LARGE1: variants seen among roughly 807,000 people sequenced by gnomAD.
LARGE1 encodes xylosyl- and glucuronyltransferase LARGE1.
A neutral mutation model predicts 87.6 loss-of-function variants in LARGE1; 43 were observed. That is an observed-to-expected ratio of 0.49 (90% CI 0.38 to 0.63). The LOEUF is 0.63. Ranked by LOEUF, LARGE1 falls within the 30% of genes least tolerant of loss-of-function variation. The pLI is 0.00. For missense variants in LARGE1, 802 were observed against 1,000.2 expected (o/e 0.80, Z 2.67); for synonymous variants, 434 against 394.6 (o/e 1.10, Z -1.18).
intron 11 of LARGE1, among the ~76,000 whole-genome samples, chr22:33,194,182 T>A (rs73881987): frequency 0.03 from 4,580 of 152,220 alleles, 95 homozygotes; most frequent in Admixed American, 0.056. Flanking sequence ...ATCTATGGTA[T>A]AGCTAAATGA....
At chr22:33,900,867 C>T (rs908252531) in intron 1 of LARGE1, among the ~76,000 whole-genome samples, 6 of 152,056 alleles carry the variant, frequency 3.9e-5, no homozygotes, top group Admixed American at 3.9e-4. Flanking sequence ...CCCAACATGG[C>T]GAAACCCCGT....
chr22:33,696,324 G>A (rs1010990120), intron 2 of LARGE1, among the ~76,000 whole-genome samples: 2 of 143,148 alleles, frequency 1.4e-5, no homozygotes, highest in Non-Finnish European at 3.0e-5. Flanking sequence ...GTGCAGTGGC[G>A]CAATCTCGGC....
At chr22:33,917,307 T>A (rs1325144316) in intron 1 of LARGE1, among the ~76,000 whole-genome samples, 1 of 152,212 alleles carries the variant, frequency 6.6e-6, no homozygotes, top group Non-Finnish European at 1.5e-5. Context: ...CTTAGCTACT[T>A]GGGTAAACCT....
At position 33,368,588 on chromosome 22, in the gene LARGE1, G is replaced by A. The variant is rs373901819; in HGVS notation, c.1131+13331C>T. 2.4e-3 allele frequency among the ~76,000 whole-genome samples: 359 copies of A among 149,572 alleles called. 2 individuals carry two copies. The highest frequency in any genetic ancestry group is 8.2e-3 in the African/African-American group (339 of 41,124). On this transcript the variant is annotated intron_variant, in intron 9 of 14. Coordinates refer to ENST00000397394, the MANE Select transcript of LARGE1 (RefSeq NM_133642.5). ...AAAAATATGTTAAATATTCCAAGAT[G>A]AAAATGGACTTATCAATTTCTCCCT...
At chr22:33,210,591 C>A (rs1924910815) in intron 11 of LARGE1, among the ~76,000 whole-genome samples, 1 of 152,276 alleles carries the variant, frequency 6.6e-6, no homozygotes, top group African/African-American at 2.4e-5. Flanking sequence ...GCTATGGTGG[C>A]TGTTCCCTGC....
At chr22:33,864,447 G>T (rs2064026498) in intron 1 of LARGE1, among the ~76,000 whole-genome samples, 1 of 152,240 alleles carries the variant, frequency 6.6e-6, no homozygotes, top group Non-Finnish European at 1.5e-5. Flanking sequence ...TGTTGCTGGG[G>T]AAAGCTACAT....
intron 11 of LARGE1, among the ~76,000 whole-genome samples, chr22:33,208,095 C>T (rs1277064011): frequency 6.6e-6 from 1 of 152,128 alleles, no homozygotes; most frequent in Non-Finnish European, 1.5e-5. Flanking sequence ...ATGCTTAAGG[C>T]TCAATGTTCT....
At chr22:33,813,802 C>T (rs1244071526) in intron 1 of LARGE1, among the ~76,000 whole-genome samples, 2 of 152,104 alleles carry the variant, frequency 1.3e-5, no homozygotes, top group African/African-American at 4.8e-5. Context: ...TACGATGCTC[C>T]CAACTTCAGC....
In LARGE1 at chr22:33,637,473, C is replaced by T. The variant is rs1046766159; in HGVS notation, c.409-11147G>A. The stretch of plus-strand genomic sequence containing the variant: ...AGACTGTCTCCAAAGATCCCTTCCC[C>T]CTGGTTTTCATGCCGTGTAGCCTCT... On this transcript the variant is annotated intron_variant, in intron 3 of 14. Transcript: ENST00000397394. 2.0e-5 allele frequency among the ~76,000 whole-genome samples: 3 copies of T among 152,160 alleles called. No homozygotes were observed. The South Asian group carries it at 6.2e-4, about 32-fold the overall frequency.
At chr22:33,090,315 T>A in the LARGE1 span, among the ~76,000 whole-genome samples, 7 of 152,120 alleles carry the variant, frequency 4.6e-5, no homozygotes, top group Non-Finnish European at 1.0e-4. Flanking sequence ...ATAAGCACAT[T>A]ATTCACTATG....
chr22:33,489,131 CA>C (rs1187794661), intron 6 of LARGE1, among the ~76,000 whole-genome samples: 2 of 152,184 alleles, frequency 1.3e-5, no homozygotes, highest in Non-Finnish European at 2.9e-5. Flanking sequence ...CAAGAGAATG[CA>C]AAGTCAGATG....
At position 33,316,210 on chromosome 22, in the gene LARGE1, C is replaced by G. The variant is rs771670976; in HGVS notation, c.1326G>C (p.Leu442=). 1 of 1,614,032 alleles carries G rather than the reference C, an allele frequency of 6.2e-7. No individual in the cohort carries two copies. The highest frequency in any genetic ancestry group is 1.1e-5 in the South Asian group (1 of 91,080). The change falls in exon 11 of 15, where the codon CTG becomes CTC. Residue 442 remains leucine (L), a synonymous_variant. Transcript: ENST00000397394. ...KQLSELDEDD[L]CYEFRRERFT... Reference sequence around the variant, plus strand: ...AGCGCTCTCGCCGGAACTCATAGCACAGGTCGTCCTCGTCCAGCTCAGACA... The same window carrying G: ...AGCGCTCTCGCCGGAACTCATAGCAGAGGTCGTCCTCGTCCAGCTCAGACA...
At chr22:33,202,533 A>G (rs1010599992) in intron 11 of LARGE1, among the ~76,000 whole-genome samples, 7 of 152,234 alleles carry the variant, frequency 4.6e-5, no homozygotes, top group Admixed American at 4.6e-4. Flanking sequence ...ATAAAGGATG[A>G]CACATAATTT....
At chr22:33,396,647 C>T (rs2065756375) in intron 7 of LARGE1, among the ~76,000 whole-genome samples, 1 of 152,116 alleles carries the variant, frequency 6.6e-6, no homozygotes, top group Non-Finnish European at 1.5e-5. Flanking sequence ...TTTAGCAACA[C>T]AGAGACAAAG....
At chr22:33,816,593 G>A (rs866033731) in intron 1 of LARGE1, among the ~76,000 whole-genome samples, 1 of 152,024 alleles carries the variant, frequency 6.6e-6, no homozygotes, top group Non-Finnish European at 1.5e-5. Flanking sequence ...AAATTCTGAG[G>A]GGGTGTAAAC....
intron 12 of LARGE1, 80 bp from the exon 13 acceptor site, chr22:33,283,428 C>T: frequency 6.6e-7 from 1 of 1,516,216 alleles, no homozygotes; most frequent in Non-Finnish European, 9.2e-7. Flanking sequence ...GCGGGGTGGT[C>T]ATTGGCCCGG....
At chr22:33,660,515 C>T (rs1318484640) in intron 2 of LARGE1, among the ~76,000 whole-genome samples, 1 of 152,206 alleles carries the variant, frequency 6.6e-6, no homozygotes, top group Non-Finnish European at 1.5e-5. Flanking sequence ...GCCTCTGCCC[C>T]CAGTTAGCCC....
chr22:33,779,655 C>T (rs1246628098), intron 1 of LARGE1, among the ~76,000 whole-genome samples: 3 of 151,868 alleles, frequency 2.0e-5, no homozygotes, highest in Non-Finnish European at 4.4e-5. Flanking sequence ...GGTGTGGTGG[C>T]GTGTGCTGTA....
chr22:33,094,935 T>A, the LARGE1 span, among the ~76,000 whole-genome samples: 1 of 152,200 alleles, frequency 6.6e-6, no homozygotes, highest in Admixed American at 6.5e-5. Context: ...GTCAGGCTTG[T>A]CTTGAACTCC....
Sources: allele counts gnomAD v4.1 joint callset (sites outside exome capture counted in the v4.1 genomes callset), GRCh38; gene constraint gnomAD v4.1.1; transcripts MANE v1.5; gene names NCBI Gene and HGNC (gene_info 2026-07-23, HGNC 2026-07-21).